Variants in ANKRD31 observed in about 807,000 individuals in gnomAD.
The protein encoded by ANKRD31 is ankyrin repeat domain 31.
ANKRD31 carries 147 observed loss-of-function variants against 186.0 expected under a neutral mutation model. The observed-to-expected ratio is 0.79, with a 90% CI of 0.69 to 0.91. The LOEUF is 0.91. ANKRD31 is among the 40% of genes least tolerant of loss of function. The pLI is 0.00. For missense variants in ANKRD31, 1,986 were observed against 2,148.8 expected (o/e 0.92, Z 1.50); for synonymous variants, 673 against 736.4 (o/e 0.91, Z 1.39).
chr5:75,168,829 C>A, intron 11 of ANKRD31, 150 bp downstream of exon 11: 1 of 777,028 alleles, frequency 1.3e-6, no homozygotes, highest in Non-Finnish European at 1.9e-6. Flanking sequence ...AAACCCATCA[C>A]ACAGTAAAAT....
At chr5:75,229,599 A>G (rs115976275) in intron 2 of ANKRD31, among the ~76,000 whole-genome samples, 157 of 152,058 alleles carry the variant, frequency 1.0e-3, no homozygotes, top group African/African-American at 3.7e-3. Flanking sequence ...TAAAAAATCA[A>G]CTCATACCTG....
At chr5:75,114,665 A>C (rs554821112) in intron 19 of ANKRD31, among the ~76,000 whole-genome samples, 20 of 152,278 alleles carry the variant, frequency 1.3e-4, no homozygotes, top group Admixed American at 2.0e-4. Flanking sequence ...CAATTGCTTC[A>C]AAGAGAATAA....
At position 75,104,481 on chromosome 5, in the gene ANKRD31, G is replaced by T; in HGVS notation, c.5078C>A (p.Ala1693Glu). 2 of 1,537,186 alleles carry T rather than the reference G, an allele frequency of 1.3e-6. No individual in the cohort carries two copies. Among genetic ancestry groups the T allele is most frequent in the Non-Finnish European group, 1.7e-6 (2 of 1,146,908 alleles). Residue 1693 changes from alanine to glutamate, a missense_variant, in exon 22 of 26, where the codon GCA becomes GAA. By Grantham distance (107) the Ala-to-Glu change is moderately radical. Coordinates refer to ENST00000506364, the MANE Select transcript of ANKRD31 (RefSeq NM_001372053.1). Reference protein sequence around the residue: ...QSPTGASESLAHQGIAVLGSD... With the variant: ...QSPTGASESLEHQGIAVLGSD... The stretch of plus-strand genomic sequence containing the variant: ...GCCTAAGACAGCAATCCCTTGATGT[G>T]CCAGAGATTCTGATGCCCCTGTAGG...
rs925124476 is a variant in ANKRD31 at position 75,116,562 on chromosome 5, T to C, written c.4155+4A>G. ...AAGAACAAAGTAATTTTAACTTCAC[T>C]CACCACAGAAAGGCTTTCTCTTGAT... On this transcript the variant is annotated splice_donor_region_variant and intron_variant, in intron 19 of 25. Transcript: ENST00000506364. 33 of 1,366,296 alleles carry C rather than the reference T, an allele frequency of 2.4e-5. No individual in the cohort carries two copies. In the Admixed American group the frequency reaches 7.5e-4, roughly 31 times the overall value. 84.6% of individuals were successfully genotyped at this position (1,366,296 alleles called of 1,614,324 possible).
At chr5:75,119,197 AC>A (rs1748549484) in intron 17 of ANKRD31, among the ~76,000 whole-genome samples, 2 of 152,282 alleles carry the variant, frequency 1.3e-5, no homozygotes, top group African/African-American at 4.8e-5. Context: ...TTATCCCATC[AC>A]CCAGGTAGTA....
intron 25 of ANKRD31, among the ~76,000 whole-genome samples, chr5:75,070,758 C>G (rs576578924): frequency 2.6e-5 from 4 of 152,294 alleles, no homozygotes; most frequent in African/African-American, 9.6e-5. Flanking sequence ...ATATACTTAG[C>G]ATCCATTAAA....
Position 75,146,107 on chromosome 5 carries a change from G to T in ANKRD31, c.3304C>A (p.His1102Asn). 1 of 1,535,740 alleles carries T rather than the reference G, an allele frequency of 6.5e-7. No individual in the cohort carries two copies. Among genetic ancestry groups the T allele is most frequent in the Non-Finnish European group, 8.7e-7 (1 of 1,145,998 alleles). ...TTGTGTATAGTCTCACTTTCTAGAT[G>T]GTTTTGTCTCCTTTTTTCAACTTTA... ...TTKVEKRRQN[H>N]LESETIHNID... Residue 1102 changes from histidine to asparagine, a missense_variant, in exon 14 of 26, where the codon CAT (histidine) becomes AAT (asparagine). Coordinates refer to ENST00000506364, the MANE Select transcript of ANKRD31 (RefSeq NM_001372053.1).
rs1014773783 is a variant in ANKRD31 at position 75,144,074 on chromosome 5, A to T, written c.3522T>A (p.Thr1174=). 5.0e-6 allele frequency: 2 copies of T among 397,438 alleles called. No homozygotes were observed. The highest frequency in any genetic ancestry group is 4.1e-5 in the African/African-American group (2 of 48,562). 24.6% of individuals were successfully genotyped at this position (397,438 alleles called of 1,614,324 possible). A position where few individuals can be genotyped will look rare whatever the true frequency, so the allele number is the denominator to read the frequency against. Residue 1174 remains threonine (T), a synonymous_variant, in exon 15 of 26, where the codon ACT becomes ACA. Transcript: ENST00000506364. ...EKTESEIHMP[T]NSQEHKTVQN... ...GAACTGTTTTGTGTTCTTGGCTATT[A>T]GTAGGCATGTGAATTTCTGACTCCG...
chr5:75,163,041 A>G lies in ANKRD31; in HGVS notation c.1707+5938T>C, dbSNP rs572980434. On this transcript the variant is annotated intron_variant, in intron 11 of 25. Coordinates refer to ENST00000506364, the MANE Select transcript of ANKRD31 (RefSeq NM_001372053.1). ...TTCTTTATCATCTAATATACTTACA[A>G]TATTACTGTTAACAATGCCAGTATT... Among the ~76,000 whole-genome samples, 3 of 152,274 alleles carry G rather than the reference A, an allele frequency of 2.0e-5. No homozygotes were observed. In the South Asian group the frequency reaches 6.2e-4, roughly 32 times the overall value.
intron 5 of ANKRD31, among the ~76,000 whole-genome samples, chr5:75,201,646 A>G (rs1755828639): frequency 6.6e-6 from 1 of 152,302 alleles, no homozygotes; most frequent in African/African-American, 2.4e-5. Context: ...ATAAAATTCT[A>G]AGGCTCCCAA....
At chr5:75,143,114 C>G (rs1024891643) in intron 15 of ANKRD31, among the ~76,000 whole-genome samples, 2 of 152,116 alleles carry the variant, frequency 1.3e-5, no homozygotes, top group African/African-American at 2.4e-5. Flanking sequence ...GCTTGGCTTC[C>G]TTGGCTGTGG....
chr5:75,193,500 T>A lies in ANKRD31; in HGVS notation c.1109A>T (p.Asn370Ile), dbSNP rs1351631633. Residue 370 changes from asparagine to isoleucine, a missense_variant, in exon 8 of 26, where the codon AAT becomes ATT. Asn to Ile is a moderately radical substitution (Grantham distance 149). Coordinates refer to ENST00000506364, the MANE Select transcript of ANKRD31 (RefSeq NM_001372053.1). Reference sequence around the variant, plus strand: ...CTGATCAGAGCTATTTGTCACTGAATTTGAATTTCTCTTATTACTTAGTGG... The same window carrying A: ...CTGATCAGAGCTATTTGTCACTGAAATTGAATTTCTCTTATTACTTAGTGG... ...CEPLSNKRNS[N>I]SVTNSSDQET... 1 of 1,537,136 alleles carries A rather than the reference T, an allele frequency of 6.5e-7. No individual in the cohort carries two copies. The highest frequency in any genetic ancestry group is 1.4e-5 in the African/African-American group (1 of 73,044).
chr5:75,120,383 T>A (rs1347709225), intron 17 of ANKRD31, among the ~76,000 whole-genome samples: 3 of 151,746 alleles, frequency 2.0e-5, no homozygotes, highest in African/African-American at 7.3e-5. Context: ...AAAAAAAAAA[T>A]TATAGTATAA....
chr5:75,200,576 G>GT (rs1287086931), intron 5 of ANKRD31, among the ~76,000 whole-genome samples: 1 of 151,416 alleles, frequency 6.6e-6, no homozygotes, highest in African/African-American at 2.4e-5. Flanking sequence ...AGGATTACAG[G>GT]TGTGAGCCAC....
chr5:75,137,784 TA>T, intron 17 of ANKRD31, 71 bp downstream of exon 17: 1 of 1,285,150 alleles, frequency 7.8e-7, no homozygotes, highest in Non-Finnish European at 9.9e-7. Context: ...GTTCTCAGTT[TA>T]AAAAATCTTC....
chr5:75,141,227 A>T (rs13177044), intron 15 of ANKRD31, among the ~76,000 whole-genome samples: 14,446 of 152,232 alleles, frequency 0.095, 981 homozygotes, highest in East Asian at 0.24. Context: ...TATATGAATC[A>T]CAGGGAAGAA....
intron 17 of ANKRD31, among the ~76,000 whole-genome samples, chr5:75,122,294 CA>C (rs55978112): frequency 0.52 from 76,403 of 148,034 alleles, 22,355 homozygotes; most frequent in African/African-American, 0.82. Flanking sequence ...ATCCTCCCAA[CA>C]AAAAAAAAAG....
chr5:75,233,558 A>G (rs1329111906), intron 1 of ANKRD31, among the ~76,000 whole-genome samples: 1 of 152,128 alleles, frequency 6.6e-6, no homozygotes, highest in Non-Finnish European at 1.5e-5. Flanking sequence ...AAAAATAAAA[A>G]ACTAATATAA....
chr5:75,155,267 T>C (rs954637265), intron 11 of ANKRD31, among the ~76,000 whole-genome samples: 20 of 152,204 alleles, frequency 1.3e-4, no homozygotes, highest in African/African-American at 4.8e-4. Context: ...AATAGGTATG[T>C]ATGTATGTAT....
Sources: allele counts gnomAD v4.1 joint callset (sites outside exome capture counted in the v4.1 genomes callset), GRCh38; gene constraint gnomAD v4.1.1; transcripts MANE v1.5; gene names NCBI Gene and HGNC (gene_info 2026-07-23, HGNC 2026-07-21).